Variants in FNTB observed in about 807,000 individuals in gnomAD.
FNTB encodes the protein farnesyltransferase, CAAX box, subunit beta.
Under a neutral mutation model 59.4 loss-of-function variants are expected in FNTB, and 27 were observed. The observed-to-expected ratio is 0.45, with a 90% CI of 0.34 to 0.63. The LOEUF (loss-of-function observed/expected upper bound fraction) is 0.63. Ranked by LOEUF, FNTB falls within the 20% of genes least tolerant of loss-of-function variation. The pLI is 0.02. For missense variants in FNTB, 449 were observed against 559.6 expected, an observed-to-expected ratio of 0.80 and a Z score of 1.99; for synonymous variants, 230 against 220.7, an observed-to-expected ratio of 1.04 and a Z score of -0.37.
chr14:65,058,110 CTT>C (rs568696633), intron 11 of FNTB, among the ~76,000 whole-genome samples: 5 of 147,546 alleles, frequency 3.4e-5, no homozygotes, highest in African/African-American at 9.8e-5. Flanking sequence ...AGAGAACCAA[CTT>C]TTTTTTTTTT....
At chr14:65,016,920 GTTTTTTTTTT>G (rs34191835) in intron 4 of FNTB, among the ~76,000 whole-genome samples, 2 of 114,850 alleles carry the variant, frequency 1.7e-5, no homozygotes, top group African/African-American at 6.8e-5. Context: ...GGCCCACGTG[GTTTTTTTTTT>G]TTTTTTTTTT....
At chr14:65,058,723 CTTCT>C (rs1422006100) in intron 11 of FNTB, among the ~76,000 whole-genome samples, 2 of 151,794 alleles carry the variant, frequency 1.3e-5, no homozygotes, top group Admixed American at 6.6e-5. Context: ...TCTGATTTTT[CTTCT>C]TTAATATGAT....
intron 8 of FNTB, among the ~76,000 whole-genome samples, chr14:65,042,089 G>A (rs1432674793): frequency 3.3e-5 from 5 of 151,680 alleles, no homozygotes. Context: ...CACATAGTAG[G>A]TACTTAATAA....
chr14:65,037,319 G>T (rs748860604), intron 7 of FNTB, among the ~76,000 whole-genome samples: 19 of 146,118 alleles, frequency 1.3e-4, no homozygotes, highest in Non-Finnish European at 2.2e-4. Flanking sequence ...GGCCAGGCTG[G>T]TCTCGAACTC....
In FNTB at chr14:65,027,777, G is replaced by A. The variant is rs1473519935; in HGVS notation, c.601G>A (p.Val201Met). 1 of 1,614,172 alleles carries A rather than the reference G, an allele frequency of 6.2e-7. No homozygotes were observed. The highest frequency in any genetic ancestry group is 8.5e-7 in the Non-Finnish European group (1 of 1,180,034). Residue 201 changes from valine to methionine, a missense_variant, in exon 6 of 12, where the codon GTG becomes ATG. By Grantham distance (21) the Val-to-Met change is conservative (BLOSUM62 1). Transcript: ENST00000246166. The surrounding 1 kb of genome is among the most constrained non-coding windows in gnomAD (Gnocchi z 5.7). ...CATGCATGTCGGAGGTGAGGTGGATGTGAGGTGAGTGGGGTTTTGCACAGG... is the reference window on the plus strand; with the variant it reads ...CATGCATGTCGGAGGTGAGGTGGATATGAGGTGAGTGGGGTTTTGCACAGG... ...FLMHVGGEVDVRSAYCAASVA... is the reference protein window; with the variant it reads ...FLMHVGGEVDMRSAYCAASVA...
intron 9 of FNTB, among the ~76,000 whole-genome samples, chr14:65,045,194 T>A (rs1688552869): frequency 2.6e-5 from 4 of 152,138 alleles, no homozygotes; most frequent in Non-Finnish European, 4.4e-5. Flanking sequence ...GTGTACTTGA[T>A]GTGAGAGCAG....
At chr14:65,005,501 C>CTTTCTTTCTTTCTTTCTT (rs1555390087) in intron 2 of FNTB, among the ~76,000 whole-genome samples, 12 of 133,450 alleles carry the variant, frequency 9.0e-5, no homozygotes, top group African/African-American at 3.4e-4. Context: ...TTCTTTCTTT[C>CTTTCTTTCTTTCTTTCTT]TTTCTTTCTT....
intron 9 of FNTB, among the ~76,000 whole-genome samples, chr14:65,049,001 C>T (rs913693820): frequency 6.6e-6 from 1 of 152,120 alleles, no homozygotes; most frequent in African/African-American, 2.4e-5. Context: ...TGCCACGTTG[C>T]CTGTAATCCC....
At position 64,991,936 on chromosome 14, in the gene FNTB, G is replaced by T. The variant is rs1210856194; in HGVS notation, c.144+4839G>T. On this transcript the variant is annotated intron_variant, in intron 1 of 11. Coordinates refer to ENST00000246166, the MANE Select transcript of FNTB (RefSeq NM_002028.4). This position sits in a 1 kb window ranked among gnomAD's most constrained non-coding sequence, Gnocchi z 4.4. ...ATCAGGGTATTAAGAGGCAGGTGAT[G>T]TGCTGGCTTCAGGTTCGGGCAGTGG... Among the ~76,000 whole-genome samples the T allele has an allele frequency of 6.6e-6, 1 of 152,162 alleles. No homozygotes were observed. The highest frequency in any genetic ancestry group is 1.5e-5 in the Non-Finnish European group (1 of 68,024).
At position 65,053,626 on chromosome 14, in the gene FNTB, T is replaced by TA. The variant is rs201689378; in HGVS notation, c.1067+285dup. ...CTGGGTAGATAACTCTTCTTTTTTT[T>TA]AAAAAAAACAAAAAAAAACTGATCT... is the stretch of plus-strand genomic sequence containing the variant. On this transcript the variant is annotated intron_variant, in intron 10 of 11. Transcript: ENST00000246166. Among the ~76,000 whole-genome samples, 1,286 of 144,328 alleles carry TA rather than the reference T, an allele frequency of 8.9e-3. 13 individuals carry two copies. Among genetic ancestry groups the TA allele is most frequent in the African/African-American group, 0.022 (809 of 37,536 alleles). The allele number at this position is 144,328 out of a possible 152,430, so 94.7% of individuals were successfully genotyped here. A position where few individuals can be genotyped will look rare whatever the true frequency, so the allele number is the denominator to read the frequency against.
intron 1 of FNTB, among the ~76,000 whole-genome samples, chr14:65,000,210 G>A (rs2139469429): frequency 6.6e-6 from 1 of 152,274 alleles, no homozygotes; most frequent in South Asian, 2.1e-4. Flanking sequence ...TTGATTTTGT[G>A]TCATTCAGAA....
intron 7 of FNTB, among the ~76,000 whole-genome samples, chr14:65,036,669 C>T (rs1035726337): frequency 6.6e-6 from 1 of 151,972 alleles, no homozygotes; most frequent in Non-Finnish European, 1.5e-5. Flanking sequence ...CTATCCCCAT[C>T]CTGTCCTTCT....
intron 9 of FNTB, among the ~76,000 whole-genome samples, chr14:65,049,844 C>T (rs962334574): frequency 5.9e-5 from 9 of 151,998 alleles, no homozygotes; most frequent in African/African-American, 2.2e-4. Flanking sequence ...TATTCAGTTG[C>T]GAACCATCAT....
At chr14:65,015,753 A>G in intron 4 of FNTB, 37 bp downstream of exon 4, 1 of 1,599,484 alleles carries the variant, frequency 6.3e-7, no homozygotes, top group Non-Finnish European at 8.6e-7. Context: ...GTGTTCTCTG[A>G]AATTGTATTT....
intron 9 of FNTB, among the ~76,000 whole-genome samples, chr14:65,050,231 G>A (rs2062576411): frequency 6.6e-6 from 1 of 152,084 alleles, no homozygotes; most frequent in African/African-American, 2.4e-5. Flanking sequence ...GTAATCAGAG[G>A]CATGCAAATC....
Position 65,041,530 on chromosome 14 carries a change from G to A in FNTB, c.822+611G>A, listed in dbSNP as rs532526730. 1.7e-3 allele frequency among the ~76,000 whole-genome samples: 256 copies of A among 152,278 alleles called. 2 individuals carry two copies. The highest frequency in any genetic ancestry group is 5.5e-3 in the African/African-American group (228 of 41,552). ...GGCCACCAGGGAGAAGGCATTCCCC[G>A]TCATGTCATTTGGGGAGCATGTACC... On this transcript the variant is annotated intron_variant, in intron 8 of 11. Transcript: ENST00000246166.
chr14:65,025,343 G>A (rs1392041499), intron 4 of FNTB, among the ~76,000 whole-genome samples: 1 of 152,188 alleles, frequency 6.6e-6, no homozygotes, highest in African/African-American at 2.4e-5. Flanking sequence ...GTGCTGTTAA[G>A]TTTTGTATCA....
At chr14:65,039,080 T>G (rs1228054834) in intron 7 of FNTB, among the ~76,000 whole-genome samples, 1 of 152,234 alleles carries the variant, frequency 6.6e-6, no homozygotes, top group Non-Finnish European at 1.5e-5. Flanking sequence ...AAATGTCTGG[T>G]ACTCTACAGC....
chr14:65,059,452 G>T (rs1245703346), intron 11 of FNTB, among the ~76,000 whole-genome samples: 1 of 152,054 alleles, frequency 6.6e-6, no homozygotes, highest in African/African-American at 2.4e-5. Context: ...GGTATGTGGG[G>T]GTGGCAGAAT....
Sources: gnomAD v4.1 joint callset for allele counts (sites outside exome capture counted in the v4.1 genomes callset) on GRCh38, gnomAD v4.1.1 for gene constraint, Gnocchi (gnomAD v3.1) non-coding constraint, MANE v1.5 for transcripts, NCBI Gene and HGNC (gene_info 2026-07-23, HGNC 2026-07-21) for gene names.